SRP68: variants seen among roughly 807,000 people sequenced by gnomAD.
SRP68 encodes signal recognition particle subunit SRP68.
Under a neutral mutation model 82.2 loss-of-function variants are expected in SRP68, and 15 were observed. That is an observed-to-expected ratio of 0.18 (90% CI 0.12 to 0.28). SRP68 has a LOEUF of 0.28. SRP68 is among the 10% of genes least tolerant of loss of function. The pLI, the probability that SRP68 is intolerant of heterozygous loss-of-function variation, is 1.00. For missense variants in SRP68, 595 were observed against 780.5 expected (o/e 0.76, Z 2.83); for synonymous variants, 261 against 292.6 (o/e 0.89, Z 1.10).
chr17:76,069,509 G>A (rs2066832616), intron 2 of SRP68, among the ~76,000 whole-genome samples: 1 of 152,044 alleles, frequency 6.6e-6, no homozygotes, highest in East Asian at 1.9e-4. Context: ...GAGGTCAGGA[G>A]TTCAAGACCA....
At chr17:76,060,844 A>G in intron 6 of SRP68, 2 of 425,328 alleles carry the variant, frequency 4.7e-6, no homozygotes, top group South Asian at 6.7e-5. Context: ...TAAAACAGTA[A>G]AAAATGAACT....
At chr17:76,066,241 C>A (rs552706168) in intron 3 of SRP68, among the ~76,000 whole-genome samples, 6 of 152,188 alleles carry the variant, frequency 3.9e-5, no homozygotes, top group Admixed American at 6.5e-5. Context: ...CACCTGAGGT[C>A]AGGAGTTCAA....
intron 6 of SRP68, chr17:76,060,655 C>A: frequency 2.5e-6 from 1 of 405,406 alleles, no homozygotes; most frequent in Non-Finnish European, 4.4e-6. Flanking sequence ...AGCGTGAACC[C>A]TGATGTAAAC....
intron 4 of SRP68, among the ~76,000 whole-genome samples, chr17:76,062,585 TAA>T (rs2030626445): frequency 1.0e-5 from 1 of 99,470 alleles, no homozygotes; most frequent in Non-Finnish European, 1.8e-5. Flanking sequence ...ATACATTATA[TAA>T]TATATAATAT....
chr17:76,039,120 T>C lies in SRP68; in HGVS notation c.*586A>G, dbSNP rs887205838. ...GGGCACAGTCTCCGTCATCTTTGCC[T>C]TTTAATATAAGATTTGGTTTCATCA... On this transcript the variant is annotated 3_prime_UTR_variant, in exon 16 of 16. Transcript: ENST00000307877. 1 of 322,718 alleles carries C rather than the reference T, an allele frequency of 3.1e-6. No individual in the cohort carries two copies. The highest frequency in any genetic ancestry group is 6.2e-6 in the Non-Finnish European group (1 of 160,344). The allele number at this position is 322,718 out of a possible 1,614,324, so 20.0% of individuals were successfully genotyped here. A position where few individuals can be genotyped will look rare whatever the true frequency, so the allele number is the denominator to read the frequency against.
At chr17:76,050,889 C>T (rs889882955) in intron 8 of SRP68, among the ~76,000 whole-genome samples, 2 of 151,800 alleles carry the variant, frequency 1.3e-5, no homozygotes, top group Non-Finnish European at 2.9e-5. Flanking sequence ...AGGGGCCTTA[C>T]AGACTGGACT....
chr17:76,065,978 G>A (rs1363333201), intron 3 of SRP68, among the ~76,000 whole-genome samples: 3 of 151,564 alleles, frequency 2.0e-5, no homozygotes, highest in Non-Finnish European at 4.4e-5. Context: ...ATGTGAATGG[G>A]CGTGGCTGGG....
intron 3 of SRP68, among the ~76,000 whole-genome samples, chr17:76,064,968 T>C (rs1475218101): frequency 3.3e-5 from 5 of 152,134 alleles, no homozygotes; most frequent in Non-Finnish European, 7.3e-5. Context: ...CTAACCTTTC[T>C]GCGCACCGCT....
intron 7 of SRP68, among the ~76,000 whole-genome samples, chr17:76,057,815 C>T (rs930277409): frequency 6.6e-6 from 1 of 152,130 alleles, no homozygotes; most frequent in Non-Finnish European, 1.5e-5. Flanking sequence ...GCTAGAACTA[C>T]AGGCACATGC....
At chr17:76,063,486 G>A (rs1440743747) in intron 4 of SRP68, among the ~76,000 whole-genome samples, 1 of 152,046 alleles carries the variant, frequency 6.6e-6, no homozygotes, top group Non-Finnish European at 1.5e-5. Context: ...TCAGGAGCTC[G>A]GGACCAGCCT....
intron 4 of SRP68, among the ~76,000 whole-genome samples, chr17:76,062,970 C>T (rs1456415231): frequency 1.3e-5 from 2 of 150,398 alleles, no homozygotes; most frequent in Non-Finnish European, 2.9e-5. Context: ...TGGGGTTTCA[C>T]CGTGTTAGCC....
rs1244172784 is a variant in SRP68, at chr17:76,067,273, A to T, written c.309T>A (p.Gly103=). ...TCTTCCCTGTGAATTTGTGTCTGTT[A>T]CCCATCTTGAAGTTGAGTGTTTTTC... ...RLRKTLNFKM[G]NRHKFTGKKV... The change falls in exon 3 of 16, where the codon GGT becomes GGA. Residue 103 remains glycine, a synonymous_variant. Coordinates refer to ENST00000307877, the MANE Select transcript of SRP68 (RefSeq NM_014230.4). The T allele has an allele frequency of 6.2e-7, 1 of 1,613,756 alleles. No individual in the cohort carries two copies. The highest frequency in any genetic ancestry group is 8.5e-7 in the Non-Finnish European group (1 of 1,179,874).
At chr17:76,040,005 G>T in intron 15 of SRP68, 72 bp from the exon 16 acceptor site, 1 of 1,468,266 alleles carries the variant, frequency 6.8e-7, no homozygotes, top group Non-Finnish European at 9.4e-7. Context: ...CCTGAGTGCC[G>T]ACTGCCTGGT....
At chr17:76,070,048 G>C (rs2066837799) in intron 2 of SRP68, among the ~76,000 whole-genome samples, 1 of 151,932 alleles carries the variant, frequency 6.6e-6, no homozygotes, top group Non-Finnish European at 1.5e-5. Context: ...CTACACTCCA[G>C]CCTGGGTGAC....
chr17:76,049,874 T>C (rs1490456668), intron 9 of SRP68, among the ~76,000 whole-genome samples: 1 of 151,846 alleles, frequency 6.6e-6, no homozygotes, highest in African/African-American at 2.4e-5. Flanking sequence ...ACAGGGAAAC[T>C]AGATTTAGAA....
intron 3 of SRP68, among the ~76,000 whole-genome samples, chr17:76,065,339 C>T (rs1598269963): frequency 1.3e-5 from 2 of 151,284 alleles, no homozygotes; most frequent in African/African-American, 4.9e-5. Flanking sequence ...GCCTATAGTC[C>T]CAGCTACTCA....
In SRP68 at chr17:76,040,490, G is replaced by A; in HGVS notation, c.1601-16C>T. 2 of 1,612,512 alleles carry A rather than the reference G, an allele frequency of 1.2e-6. No homozygotes were observed. Among genetic ancestry groups the A allele is most frequent in the Non-Finnish European group, 1.7e-6 (2 of 1,178,598 alleles). Reference sequence around the variant, plus strand: ...TCGTTTGCATCTGAAAGTTTCACAGGGATTCAGTAAGAACAAGGATTTATA... The same window carrying A: ...TCGTTTGCATCTGAAAGTTTCACAGAGATTCAGTAAGAACAAGGATTTATA... On this transcript the variant is annotated splice_polypyrimidine_tract_variant and intron_variant, in intron 14 of 15. Transcript: ENST00000307877.
intron 9 of SRP68, chr17:76,049,177 C>G (rs377209329): frequency 6.6e-6 from 1 of 152,208 alleles, no homozygotes; most frequent in Non-Finnish European, 1.5e-5. Flanking sequence ...CTGAACCATA[C>G]ACTTAAAAAT....
At chr17:76,067,397 A>G (rs2066815572) in intron 2 of SRP68, 67 bp from the exon 3 acceptor site, 1 of 1,149,876 alleles carries the variant, frequency 8.7e-7, no homozygotes, top group Admixed American at 1.9e-5. Context: ...AAATTCTGCA[A>G]TAAGGCAAGG....
Sources: allele counts gnomAD v4.1 joint callset (sites outside exome capture counted in the v4.1 genomes callset), GRCh38; gene constraint gnomAD v4.1.1; transcripts MANE v1.5; gene names NCBI Gene and HGNC (gene_info 2026-07-23, HGNC 2026-07-21).